Variants in DOC2B observed in about 807,000 individuals in gnomAD.
DOC2B encodes the protein double C2 domain beta, also known as double C2-like domain-containing protein beta.
DOC2B carries 21 observed loss-of-function variants against 28.9 expected under a neutral mutation model. The observed-to-expected ratio is 0.73, with a 90% CI of 0.52 to 1.05. The LOEUF (loss-of-function observed/expected upper bound fraction) is 1.05, where lower values mean the gene tolerates loss of function less well. DOC2B is among the 50% of genes least tolerant of loss of function. The pLI is 0.00. For missense variants in DOC2B, 384 were observed against 421.1 expected (o/e 0.91, Z 0.77); for synonymous variants, 194 against 178.1 (o/e 1.09, Z -0.71).
intron 1 of DOC2B, among the ~76,000 whole-genome samples, chr17:173,749 G>A (rs1597834293): frequency 6.6e-6 from 1 of 152,164 alleles, no homozygotes; most frequent in South Asian, 2.1e-4. Context: ...AAGAGGGGCT[G>A]GGGGAGGTGA....
intron 2 of DOC2B, 138 bp from the exon 3 acceptor site, chr17:164,342 C>A (rs920579183): frequency 5.7e-5 from 37 of 652,630 alleles, no homozygotes; most frequent in African/African-American, 4.2e-4. Context: ...GGGCCCCACA[C>A]CTCCAGATGG....
intron 6 of DOC2B, among the ~76,000 whole-genome samples, chr17:155,456 T>C (rs2040124037): frequency 1.3e-5 from 2 of 152,140 alleles, no homozygotes; most frequent in African/African-American, 2.4e-5. Flanking sequence ...CCCTCTGTCA[T>C]TCCCCCTCCC....
intron 2 of DOC2B, among the ~76,000 whole-genome samples, chr17:166,280 G>A (rs976077466): frequency 1.2e-4 from 18 of 152,374 alleles, no homozygotes; most frequent in African/African-American, 4.1e-4. Flanking sequence ...GTCCTGACCC[G>A]GGGTTCCGCC....
chr17:164,039 A>T (rs1175324635), intron 3 of DOC2B, 91 bp downstream of exon 3: 8 of 1,070,424 alleles, frequency 7.5e-6, no homozygotes, highest in Non-Finnish European at 1.1e-5. Context: ...CCCGCAGCCC[A>T]GTCCAGGCCC....
chr17:175,176 T>C (rs904895951), intron 1 of DOC2B, among the ~76,000 whole-genome samples: 6 of 152,220 alleles, frequency 3.9e-5, no homozygotes, highest in African/African-American at 1.4e-4. Context: ...AAGTTGAGGC[T>C]ACAGTGAGTG....
At chr17:178,303 C>A (rs187066725) in intron 1 of DOC2B, among the ~76,000 whole-genome samples, 178 of 152,388 alleles carry the variant, frequency 1.2e-3, no homozygotes, top group Non-Finnish European at 2.1e-3. Context: ...ATCACCCCAA[C>A]AGTGCTGAGG....
At position 156,276 on chromosome 17, in the gene DOC2B, C is replaced by T. The variant is rs1247500797; in HGVS notation, c.867G>A (p.Arg289=). 2 of 1,551,672 alleles carry T rather than the reference C, an allele frequency of 1.3e-6. No homozygotes were observed. The highest frequency in any genetic ancestry group is 2.7e-5 in the African/African-American group (2 of 73,174). The stretch of plus-strand genomic sequence containing the variant: ...CGTCCATGGCGGCCAGGTGGGCGCA[C>T]CGCACGATGCCTACCAGCAGGCCTT... ...QKQGLLVGIV[R]CAHLAAMDAN... The change falls in exon 6 of 9, where the codon CGG becomes CGA. Residue 289 remains arginine (R), a synonymous_variant. Transcript: ENST00000613549.
chr17:161,083 G>A (rs1197329771), intron 5 of DOC2B, among the ~76,000 whole-genome samples: 1 of 152,066 alleles, frequency 6.6e-6, no homozygotes, highest in Non-Finnish European at 1.5e-5. Flanking sequence ...CCGCTGCCAA[G>A]GTCAGGCCAG....
intron 6 of DOC2B, among the ~76,000 whole-genome samples, chr17:152,445 C>A (rs2040083214): frequency 6.6e-6 from 1 of 152,124 alleles, no homozygotes; most frequent in South Asian, 2.1e-4. Context: ...GAAACTGGGG[C>A]AAGTATCACC....
Position 181,416 on chromosome 17 carries a change from C to A in DOC2B, c.64G>T (p.Val22Leu). Reference sequence around the variant, plus strand: ...ATGGGACGGATGGGGCCGGGGCACACGTCGATGGCCATATGCTCCTGGATG... The same window carrying A: ...ATGGGACGGATGGGGCCGGGGCACAAGTCGATGGCCATATGCTCCTGGATG... ...ISIQEHMAIDVCPGPIRPIKQ... is the reference protein window; with the variant it reads ...ISIQEHMAIDLCPGPIRPIKQ... The change falls in exon 1 of 9, where the codon GTG becomes TTG. Residue 22 changes from valine to leucine, a missense_variant. Transcript: ENST00000613549. This position sits in a 1 kb window ranked among gnomAD's most constrained non-coding sequence, Gnocchi z 7.0. 8.4e-7 allele frequency: 1 copy of A among 1,188,646 alleles called. No individual in the cohort carries two copies. The highest frequency in any genetic ancestry group is 1.1e-6 in the Non-Finnish European group (1 of 946,636). 73.6% of individuals were successfully genotyped at this position (1,188,646 alleles called of 1,614,324 possible).
rs2040004617 is a variant in DOC2B, at chr17:144,261, TG to T, written c.*3179del. On this transcript the variant is annotated 3_prime_UTR_variant, in exon 9 of 9. Coordinates refer to ENST00000613549, the MANE Select transcript of DOC2B (RefSeq NM_003585.5). ...TTCTGCAGCTTCTCAAAGCGTTGTT[TG>T]TTTGTTTTTTTTCTGAGACGGAGTC... 6.6e-6 allele frequency: 1 copy of T among 151,888 alleles called. No homozygotes were observed. Among genetic ancestry groups the T allele is most frequent in the African/African-American group, 2.4e-5 (1 of 41,300 alleles). 9.4% of individuals were successfully genotyped at this position (151,888 alleles called of 1,614,324 possible).
intron 1 of DOC2B, among the ~76,000 whole-genome samples, chr17:176,846 C>T (rs1047078435): frequency 4.6e-5 from 7 of 152,090 alleles, no homozygotes; most frequent in East Asian, 1.9e-4. Context: ...AGTTGTCACC[C>T]GCTTGTCGAT....
chr17:162,245 A>G lies in DOC2B; in HGVS notation c.529-55T>C. ...ATCAAAGTGTGTATCAAACAGAACA[A>G]TGGCCCCCAGAGATGGCCACGTGCT... On this transcript the variant is annotated intron_variant, in intron 3 of 8. Coordinates refer to ENST00000613549, the MANE Select transcript of DOC2B (RefSeq NM_003585.5). The G allele has an allele frequency of 2.9e-6, 4 of 1,363,550 alleles. No homozygotes were observed. In the South Asian group the frequency reaches 5.0e-5, roughly 17 times the overall value. The allele number at this position is 1,363,550 out of a possible 1,614,324, so 84.5% of individuals were successfully genotyped here.
intron 5 of DOC2B, 146 bp from the exon 6 acceptor site, chr17:156,523 C>T: frequency 1.2e-6 from 1 of 834,698 alleles, no homozygotes. Context: ...TGTGAACTCA[C>T]AGCCCTTCTG....
Position 147,002 on chromosome 17 carries a change from T to C in DOC2B, c.*439A>G. 6.2e-6 allele frequency: 1 copy of C among 161,934 alleles called. No homozygotes were observed. The highest frequency in any genetic ancestry group is 1.3e-5 in the Non-Finnish European group (1 of 74,946). The allele number at this position is 161,934 out of a possible 1,614,324, so 10.0% of individuals were successfully genotyped here. A position where few individuals can be genotyped will look rare whatever the true frequency, so the allele number is the denominator to read the frequency against. On this transcript the variant is annotated 3_prime_UTR_variant, in exon 9 of 9. Coordinates refer to ENST00000613549, the MANE Select transcript of DOC2B (RefSeq NM_003585.5). ...GGAGATGAGGGATGCAGTTAGGCTT[T>C]CTTGGGCTGGAGCAGCCAGTCTTCA...
In DOC2B at chr17:162,081, C is replaced by T. The variant is rs1280777814; in HGVS notation, c.638G>A (p.Arg213Gln). The change falls in exon 4 of 9, where the codon CGG (arginine) becomes CAG (glutamine). Residue 213 changes from arginine to glutamine, a missense_variant and splice_region_variant. Coordinates refer to ENST00000613549, the MANE Select transcript of DOC2B (RefSeq NM_003585.5). Reference sequence around the variant, plus strand: ...CAGGCGGCCTGGGACCCTCACCCACCGCAGGGTCTTGCGGATCATGTCTTC... The same window carrying T: ...CAGGCGGCCTGGGACCCTCACCCACTGCAGGGTCTTGCGGATCATGTCTTC... ...TDEDMIRKTL[R>Q]ISVCDEDKFR... is the part of the protein sequence containing the mutation. The T allele has an allele frequency of 2.0e-5, 31 of 1,549,094 alleles. No homozygotes were observed. The highest frequency in any genetic ancestry group is 2.6e-5 in the Non-Finnish European group (30 of 1,144,724).
intron 6 of DOC2B, among the ~76,000 whole-genome samples, chr17:152,225 C>A (rs948773563): frequency 6.6e-6 from 1 of 152,220 alleles, no homozygotes; most frequent in African/African-American, 2.4e-5. Flanking sequence ...CAGCACGTTG[C>A]TGCCAGTTAC....
Position 145,090 on chromosome 17 carries a change from C to G in DOC2B, c.*2351G>C, listed in dbSNP as rs916878170. Reference sequence around the variant, plus strand: ...GAGAAAAGAGGAGCCCTTGCCTCAGCCCCCAGAGGCTAGGGTGGGGTGGCT... The same window carrying G: ...GAGAAAAGAGGAGCCCTTGCCTCAGGCCCCAGAGGCTAGGGTGGGGTGGCT... On this transcript the variant is annotated 3_prime_UTR_variant, in exon 9 of 9. Coordinates refer to ENST00000613549, the MANE Select transcript of DOC2B (RefSeq NM_003585.5). The G allele has an allele frequency of 6.6e-6, 1 of 152,196 alleles. No individual in the cohort carries two copies. Among genetic ancestry groups the G allele is most frequent in the Non-Finnish European group, 1.5e-5 (1 of 68,062 alleles). The allele number at this position is 152,196 out of a possible 1,614,324, so 9.4% of individuals were successfully genotyped here.
intron 1 of DOC2B, among the ~76,000 whole-genome samples, chr17:175,423 G>A (rs1182687313): frequency 6.6e-6 from 1 of 152,234 alleles, no homozygotes; most frequent in African/African-American, 2.4e-5. Context: ...AATGAACACA[G>A]CCACAGCCCG....
Sources: allele counts gnomAD v4.1 joint callset (sites outside exome capture counted in the v4.1 genomes callset), GRCh38; gene constraint gnomAD v4.1.1; non-coding constraint Gnocchi (gnomAD v3.1); transcripts MANE v1.5; gene names NCBI Gene and HGNC (gene_info 2026-07-23, HGNC 2026-07-21).